Variants in LRRCC1 observed in about 807,000 individuals in gnomAD.
LRRCC1 encodes leucine-rich repeat and coiled-coil domain-containing protein 1.
A neutral mutation model predicts 126.0 loss-of-function variants in LRRCC1; 115 were observed. That is an observed-to-expected ratio of 0.91 (90% CI 0.78 to 1.07). The LOEUF is 1.07. Ranked by LOEUF, LRRCC1 falls within the 50% of genes least tolerant of loss-of-function variation. The pLI is 0.00. For missense variants in LRRCC1, 1,172 were observed against 1,175.7 expected, an observed-to-expected ratio of 1.00 and a Z score of 0.05; for synonymous variants, 400 against 393.4, an observed-to-expected ratio of 1.02 and a Z score of -0.20.
At position 85,137,472 on chromosome 8, in the gene LRRCC1, C is replaced by G. The variant is rs760603323; in HGVS notation, c.2338C>G (p.Leu780Val). 9 of 1,558,012 alleles carry G rather than the reference C, an allele frequency of 5.8e-6. No individual in the cohort carries two copies. The highest frequency in any genetic ancestry group is 1.3e-5 in the South Asian group (1 of 79,094). Reference sequence around the variant, plus strand: ...TGATTTTTGTTTCTTAGGATCTTCTCTAGCCCAAAATCGTGGAAAATTGGA... The same window carrying G: ...TGATTTTTGTTTCTTAGGATCTTCTGTAGCCCAAAATCGTGGAAAATTGGA... ...GHELAQQGSS[L>V]AQNRGKLEAQ... Residue 780 changes from leucine (L) to valine (V), a missense_variant, in exon 15 of 19, where the codon CTA becomes GTA. Leu to Val is a conservative substitution (Grantham distance 32, BLOSUM62 1). Coordinates refer to ENST00000360375, the MANE Select transcript of LRRCC1 (RefSeq NM_033402.5).
At chr8:85,136,572 G>A (rs1462702074) in intron 14 of LRRCC1, among the ~76,000 whole-genome samples, 1 of 152,070 alleles carries the variant, frequency 6.6e-6, no homozygotes, top group Non-Finnish European at 1.5e-5. Flanking sequence ...ACCGTACCCG[G>A]CCAAAAGTAA....
In LRRCC1 at chr8:85,129,251, A is replaced by C. The variant is rs1178613261; in HGVS notation, c.1498A>C (p.Ile500Leu). Residue 500 changes from isoleucine to leucine, a missense_variant, in exon 10 of 19, where the codon ATT becomes CTT. Physicochemically the swap from Ile to Leu is conservative, Grantham distance 5 (BLOSUM62 2). Transcript: ENST00000360375. ...TATGGTTCACAAACTTCAAAATGAAATTAAAAAACTGACTGTTGAACTAAT... is the reference window on the plus strand; with the variant it reads ...TATGGTTCACAAACTTCAAAATGAACTTAAAAAACTGACTGTTGAACTAAT... ...EVMVHKLQNE[I>L]KKLTVELMKA... 2 of 1,613,792 alleles carry C rather than the reference A, an allele frequency of 1.2e-6. No homozygotes were observed. Among genetic ancestry groups the C allele is most frequent in the South Asian group, 2.2e-5 (2 of 90,998 alleles).
intron 17 of LRRCC1, among the ~76,000 whole-genome samples, chr8:85,138,899 A>C (rs914197207): frequency 1.3e-5 from 2 of 152,052 alleles, no homozygotes; most frequent in Non-Finnish European, 2.9e-5. Flanking sequence ...AGAAAAAATT[A>C]GCCAGGCGTG....
chr8:85,129,085 CCAGTT>C (rs1810238201), intron 9 of LRRCC1, 85 bp from the exon 10 acceptor site: 1 of 914,668 alleles, frequency 1.1e-6, no homozygotes, highest in African/African-American at 1.7e-5. Context: ...CAAAGGAAGA[CCAGTT>C]CAGAGAGTAC....
intron 6 of LRRCC1, among the ~76,000 whole-genome samples, chr8:85,121,555 C>T (rs931535347): frequency 2.0e-5 from 3 of 152,126 alleles, no homozygotes; most frequent in African/African-American, 7.2e-5. Flanking sequence ...AATTCTCCTG[C>T]CTCAGCATCC....
At chr8:85,127,548 C>T (rs977541796) in intron 9 of LRRCC1, among the ~76,000 whole-genome samples, 51 of 152,074 alleles carry the variant, frequency 3.4e-4, no homozygotes, top group African/African-American at 1.2e-3. Flanking sequence ...GCTCTTGGTT[C>T]CATTTCTTGT....
chr8:85,124,670 T>C, intron 7 of LRRCC1, 122 bp from the exon 8 acceptor site: 1 of 534,920 alleles, frequency 1.9e-6, no homozygotes. Flanking sequence ...TCCAAGTTAC[T>C]ATAATTTTAT....
intron 8 of LRRCC1, among the ~76,000 whole-genome samples, chr8:85,125,466 G>A (rs1255007801): frequency 6.6e-6 from 1 of 151,280 alleles, no homozygotes; most frequent in Non-Finnish European, 1.5e-5. Flanking sequence ...GAGGTCAGGA[G>A]ATCGAGACCA....
At chr8:85,121,657 T>C (rs1168847283) in intron 6 of LRRCC1, among the ~76,000 whole-genome samples, 2 of 152,150 alleles carry the variant, frequency 1.3e-5, no homozygotes, top group Non-Finnish European at 2.9e-5. Context: ...GTCAGGTTGG[T>C]CTTGAACTCC....
intron 9 of LRRCC1, 133 bp downstream of exon 9, chr8:85,126,970 T>C (rs1041750269): frequency 1.3e-6 from 1 of 748,388 alleles, no homozygotes; most frequent in African/African-American, 1.8e-5. Flanking sequence ...TGAACTAATT[T>C]TATTAGACAA....
At chr8:85,132,090 CT>C in intron 12 of LRRCC1, 129 bp downstream of exon 12, 1 of 713,172 alleles carries the variant, frequency 1.4e-6, no homozygotes, top group Non-Finnish European at 2.2e-6. Context: ...TATATAAATT[CT>C]TAGAGGCCTT....
chr8:85,142,217 C>G (rs1222579900), intron 18 of LRRCC1, among the ~76,000 whole-genome samples: 1 of 152,014 alleles, frequency 6.6e-6, no homozygotes, highest in Non-Finnish European at 1.5e-5. Context: ...TGGCTTGAAC[C>G]CGGAGGTGGA....
At chr8:85,124,050 A>G (rs1467228822) in intron 7 of LRRCC1, among the ~76,000 whole-genome samples, 1 of 152,130 alleles carries the variant, frequency 6.6e-6, no homozygotes, top group Non-Finnish European at 1.5e-5. Context: ...CTAGATGGAA[A>G]GTCAAATCCT....
At position 85,123,455 on chromosome 8, in the gene LRRCC1, C is replaced by T. The variant is rs1809724717; in HGVS notation, c.973C>T (p.Pro325Ser). ...TAACGTTCTTGAGAAAGACCCCAGA[C>T]CAAAAAGAGACACAGATATAACTTC... is the stretch of plus-strand genomic sequence containing the variant. ...IDNVLEKDPRPKRDTDITSES... is the reference protein window; with the variant it reads ...IDNVLEKDPRSKRDTDITSES... The change falls in exon 7 of 19, where the codon CCA becomes TCA. Residue 325 changes from proline (P) to serine (S), a missense_variant. Physicochemically the swap from Pro to Ser is moderately conservative, Grantham distance 74. Coordinates refer to ENST00000360375, the MANE Select transcript of LRRCC1 (RefSeq NM_033402.5). 1 of 1,605,250 alleles carries T rather than the reference C, an allele frequency of 6.2e-7. No homozygotes were observed. Among genetic ancestry groups the T allele is most frequent in the Non-Finnish European group, 8.5e-7 (1 of 1,177,560 alleles).
At chr8:85,132,274 A>G (rs1378916101) in intron 12 of LRRCC1, among the ~76,000 whole-genome samples, 1 of 148,824 alleles carries the variant, frequency 6.7e-6, no homozygotes, top group African/African-American at 2.5e-5. Flanking sequence ...CCCACTGCCT[A>G]TTTCTCTTTA....
At chr8:85,110,322 T>G in intron 3 of LRRCC1, 142 bp downstream of exon 3, 1 of 399,668 alleles carries the variant, frequency 2.5e-6, no homozygotes, top group Non-Finnish European at 4.6e-6. Flanking sequence ...CGTATTCCAG[T>G]CATGATTCTA....
intron 17 of LRRCC1, 136 bp downstream of exon 17, chr8:85,138,611 A>G: frequency 1.1e-6 from 1 of 901,942 alleles, no homozygotes; most frequent in South Asian, 1.8e-5. Flanking sequence ...TTTCCATTTC[A>G]TCTGTAAAAT....
chr8:85,114,536 A>G (rs538895375), intron 4 of LRRCC1, among the ~76,000 whole-genome samples: 1 of 152,222 alleles, frequency 6.6e-6, no homozygotes, highest in East Asian at 1.9e-4. Flanking sequence ...TACCAAATGA[A>G]TGTTAATTTG....
Position 85,109,576 on chromosome 8 carries a change from T to C in LRRCC1, c.105-19T>C, listed in dbSNP as rs781696316. The C allele has an allele frequency of 5.8e-6, 8 of 1,379,796 alleles. No homozygotes were observed. Among genetic ancestry groups the C allele is most frequent in the Non-Finnish European group, 8.0e-6 (8 of 996,016 alleles). 85.5% of individuals were successfully genotyped at this position (1,379,796 alleles called of 1,614,324 possible). On this transcript the variant is annotated intron_variant, in intron 1 of 18. Transcript: ENST00000360375. ...ATGCTTTTAAAATCTATTTTTATAG[T>C]ATATATTTTCTTTTATAGCATATCA...
Sources: gnomAD v4.1 joint callset for allele counts (sites outside exome capture counted in the v4.1 genomes callset) on GRCh38, gnomAD v4.1.1 for gene constraint, MANE v1.5 for transcripts, NCBI Gene and HGNC (gene_info 2026-07-23, HGNC 2026-07-21) for gene names.